The following ROPN1L variants were observed in gnomAD, a reference collection of about 807,000 sequenced individuals.
ROPN1L encodes ropporin-1-like protein.
Under a neutral mutation model 22.7 loss-of-function variants are expected in ROPN1L, and 23 were observed. That is an observed-to-expected ratio of 1.01 (90% CI 0.73 to 1.43). The LOEUF (loss-of-function observed/expected upper bound fraction) is 1.43. Ranked by LOEUF, ROPN1L falls within the 40% of genes most tolerant of loss-of-function variation. ROPN1L has a pLI of 0.00. For missense variants in ROPN1L, 271 were observed against 291.5 expected (o/e 0.93, Z 0.51); for synonymous variants, 116 against 117.8 (o/e 0.98, Z 0.10).
rs530222177 is a variant in ROPN1L, at chr5:10,470,227, G to A, written n.886-1583G>A. On this transcript the variant is annotated intron_variant and non_coding_transcript_variant, in intron 4 of 4. Transcript: ENST00000510520. ...AGAATGAAATGTGTTCAGGTCCCCC[G>A]TCCTCCAAGGAAAATCCCAACTCTA... Among the ~76,000 whole-genome samples, 6 of 152,202 alleles carry A rather than the reference G, an allele frequency of 3.9e-5. No individual in the cohort carries two copies. In the East Asian group the frequency reaches 5.8e-4, roughly 15 times the overall value.
the ROPN1L span, among the ~76,000 whole-genome samples, chr5:10,480,741 G>T: frequency 4.9e-3 from 739 of 152,280 alleles, 5 homozygotes; most frequent in African/African-American, 0.016. Context: ...GACCCAGTCA[G>T]AATCAGATTT....
chr5:10,461,164 C>T lies in ROPN1L; in HGVS notation c.418-20C>T. 1.2e-6 allele frequency: 2 copies of T among 1,600,708 alleles called. No individual in the cohort carries two copies. The highest frequency in any genetic ancestry group is 1.7e-6 in the Non-Finnish European group (2 of 1,171,406). ...CCAGGAGTAACTGTTTTTCTCCCCA[C>T]CTGGCTGTGGTGCTCCCAGTCCTTG... On this transcript the variant is annotated intron_variant, in intron 3 of 4. Transcript: ENST00000274134.
rs1740888558 is a variant in ROPN1L at position 10,441,918 on chromosome 5, C to A, written c.-250C>A. 3.0e-6 allele frequency: 1 copy of A among 329,728 alleles called. No homozygotes were observed. The highest frequency in any genetic ancestry group is 5.6e-6 in the Non-Finnish European group (1 of 179,224). 20.4% of individuals were successfully genotyped at this position (329,728 alleles called of 1,614,324 possible). A position where few individuals can be genotyped will look rare whatever the true frequency, so the allele number is the denominator to read the frequency against. ...TGGATACCGAGCGCGTCCGTAGTGG[C>A]GGCTGGCGCTAGGGAACTGCAGGGT... On this transcript the variant is annotated 5_prime_UTR_variant, in exon 1 of 5. Coordinates refer to ENST00000274134, the MANE Select transcript of ROPN1L (RefSeq NM_031916.5).
At chr5:10,472,226 G>A (rs180847092), downstream of ROPN1L, among the ~76,000 whole-genome samples, 16 of 151,100 alleles carry the variant, frequency 1.1e-4, no homozygotes, top group African/African-American at 3.7e-4. Context: ...CCCATCAACC[G>A]TGCATTTATT....
chr5:10,475,705 C>G (rs1439909111), downstream of ROPN1L, among the ~76,000 whole-genome samples: 1 of 152,238 alleles, frequency 6.6e-6, no homozygotes, highest in African/African-American at 2.4e-5. Context: ...GATTCTGCAA[C>G]TAAGTATGGG....
downstream of ROPN1L, among the ~76,000 whole-genome samples, chr5:10,469,806 G>A (rs979973044): frequency 1.3e-5 from 2 of 152,254 alleles, no homozygotes; most frequent in Non-Finnish European, 2.9e-5. Flanking sequence ...TATAGGAAAA[G>A]AATGAAAGCA....
chr5:10,450,642 T>C (rs1187185257), intron 3 of ROPN1L, among the ~76,000 whole-genome samples: 1 of 152,116 alleles, frequency 6.6e-6, no homozygotes, highest in Non-Finnish European at 1.5e-5. Context: ...ATAGCTGGGA[T>C]TACAGGCATG....
chr5:10,443,953 C>CA (rs998365208), intron 1 of ROPN1L, among the ~76,000 whole-genome samples: 1 of 152,282 alleles, frequency 6.6e-6, no homozygotes, highest in African/African-American at 2.4e-5. Flanking sequence ...TATCAGTCCA[C>CA]AAAATCCCTG....
intron 3 of ROPN1L, among the ~76,000 whole-genome samples, chr5:10,460,069 G>A (rs1209731040): frequency 6.6e-6 from 1 of 152,196 alleles, no homozygotes; most frequent in African/African-American, 2.4e-5. Context: ...GGGACTCGAG[G>A]TGGGGACTGA....
At chr5:10,448,910 T>G (rs1252061138) in intron 2 of ROPN1L, among the ~76,000 whole-genome samples, 1 of 152,218 alleles carries the variant, frequency 6.6e-6, no homozygotes, top group Non-Finnish European at 1.5e-5. Context: ...CATCCTGTTT[T>G]TACAGACGTG....
chr5:10,447,908 A>G (rs375196845), intron 1 of ROPN1L, among the ~76,000 whole-genome samples: 18 of 152,166 alleles, frequency 1.2e-4, no homozygotes, highest in African/African-American at 4.3e-4. Flanking sequence ...AAAAGAAAGA[A>G]TAATACATGG....
At chr5:10,449,791 C>T (rs1741194223) in intron 2 of ROPN1L, among the ~76,000 whole-genome samples, 161 bp from the exon 3 acceptor site, 1 of 152,156 alleles carries the variant, frequency 6.6e-6, no homozygotes, top group Non-Finnish European at 1.5e-5. Flanking sequence ...GCCTTCCCTG[C>T]CTTCCCTCCC....
intron 1 of ROPN1L, among the ~76,000 whole-genome samples, chr5:10,445,418 T>G (rs1189340412): frequency 1.3e-5 from 2 of 152,176 alleles, no homozygotes; most frequent in African/African-American, 4.8e-5. Context: ...AGGCGGGACT[T>G]GGTAAGTGCA....
chr5:10,450,200 A>G, intron 3 of ROPN1L, 87 bp downstream of exon 3: 1 of 1,065,196 alleles, frequency 9.4e-7, no homozygotes, highest in Non-Finnish European at 1.3e-6. Flanking sequence ...ACTAAAGGAA[A>G]CACTTTAGTA....
rs182375274 is a variant in ROPN1L, at chr5:10,448,465, G to A, written c.255+82G>A. On this transcript the variant is annotated intron_variant, in intron 2 of 4. Transcript: ENST00000274134. ...TCACTGTGCATTGATGACAGAGCGG[G>A]GCACACCCCAGCAATGTATTTCAAA... is the stretch of plus-strand genomic sequence containing the variant. 7.8e-5 allele frequency: 120 copies of A among 1,532,528 alleles called. No homozygotes were observed. In the Admixed American group the frequency reaches 1.6e-3, roughly 20 times the overall value. The allele number at this position is 1,532,528 out of a possible 1,614,324, so 94.9% of individuals were successfully genotyped here.
the ROPN1L span, among the ~76,000 whole-genome samples, chr5:10,480,924 A>T: frequency 2.6e-5 from 4 of 151,952 alleles, no homozygotes; most frequent in Admixed American, 1.3e-4. Flanking sequence ...TTCCTCTCAC[A>T]CCCAGTTTGA....
At chr5:10,455,872 C>CTTTTAA (rs757510378) in intron 3 of ROPN1L, among the ~76,000 whole-genome samples, 1 of 152,118 alleles carries the variant, frequency 6.6e-6, no homozygotes, top group African/African-American at 2.4e-5. Context: ...GGGTCAGAGG[C>CTTTTAA]ACAGCTTCAC....
the ROPN1L span, among the ~76,000 whole-genome samples, chr5:10,482,596 A>G: frequency 1.3e-5 from 2 of 152,204 alleles, no homozygotes; most frequent in Admixed American, 6.5e-5. Flanking sequence ...TAATGGCCCA[A>G]CAAACTTGGG....
chr5:10,460,197 C>T (rs979284559), intron 3 of ROPN1L, among the ~76,000 whole-genome samples: 7 of 152,244 alleles, frequency 4.6e-5, no homozygotes, highest in African/African-American at 1.7e-4. Flanking sequence ...AAAAGGAGAC[C>T]TGGGCTATGT....
Sources: allele counts gnomAD v4.1 joint callset (sites outside exome capture counted in the v4.1 genomes callset), GRCh38; gene constraint gnomAD v4.1.1; transcripts MANE v1.5; gene names NCBI Gene and HGNC (gene_info 2026-07-23, HGNC 2026-07-21).